COL23A1: variants seen among roughly 807,000 people sequenced by gnomAD.
COL23A1 encodes collagen alpha-1(XXIII) chain.
A neutral mutation model predicts 99.3 loss-of-function variants in COL23A1; 97 were observed. The observed-to-expected ratio is 0.98, with a 90% CI of 0.83 to 1.16. The LOEUF is 1.16. COL23A1 is among the 50% of genes most tolerant of loss of function. The pLI is 0.00. For missense variants in COL23A1, 762 were observed against 757.4 expected, an observed-to-expected ratio of 1.01 and a Z score of -0.07; for synonymous variants, 320 against 308.2, an observed-to-expected ratio of 1.04 and a Z score of -0.40.
chr5:178,567,808 A>G (rs1762908895), intron 1 of COL23A1, among the ~76,000 whole-genome samples: 1 of 151,866 alleles, frequency 6.6e-6, no homozygotes, highest in African/African-American at 2.4e-5. Context: ...TAAATTAAAT[A>G]TCCTTGAGTC....
intron 5 of COL23A1, among the ~76,000 whole-genome samples, chr5:178,284,830 A>G (rs2127580289): frequency 1.3e-5 from 2 of 152,360 alleles, no homozygotes; most frequent in East Asian, 1.9e-4. Context: ...CGTGCTGCCC[A>G]CTGCACTAAG....
At chr5:178,506,119 C>A (rs1345544428) in intron 2 of COL23A1, among the ~76,000 whole-genome samples, 4 of 151,876 alleles carry the variant, frequency 2.6e-5, no homozygotes, top group African/African-American at 9.7e-5. Flanking sequence ...GAGGGTTGAA[C>A]AAACAGAGAA....
At chr5:178,558,720 T>A (rs1007059495) in intron 2 of COL23A1, among the ~76,000 whole-genome samples, 3 of 151,926 alleles carry the variant, frequency 2.0e-5, no homozygotes. Flanking sequence ...GTTGGCATTT[T>A]ACACATTTTG....
chr5:178,255,371 C>T lies in COL23A1; in HGVS notation c.883-345G>A, dbSNP rs752282. On this transcript the variant is annotated intron_variant, in intron 15 of 28. Coordinates refer to ENST00000390654, the MANE Select transcript of COL23A1 (RefSeq NM_173465.4). This position sits in a 1 kb window ranked among gnomAD's most constrained non-coding sequence, Gnocchi z 4.2. ...AACAAACAGAAAAGCCCCAAACCCT[C>T]CAAAACACAAAGACATGAGCAGGCT... Among the ~76,000 whole-genome samples, 14,891 of 152,252 alleles carry T rather than the reference C, an allele frequency of 0.098. 767 individuals are homozygous for T. The highest frequency in any genetic ancestry group is 0.12 in the African/African-American group (4,923 of 41,540).
At chr5:178,298,102 G>A (rs1291397035) in intron 3 of COL23A1, among the ~76,000 whole-genome samples, 1 of 151,218 alleles carries the variant, frequency 6.6e-6, no homozygotes, top group African/African-American at 2.5e-5. Flanking sequence ...GCATAGGATG[G>A]TTCCACTGAC....
In COL23A1 at chr5:178,254,998, C is replaced by T. The variant is rs1765228153; in HGVS notation, c.911G>A (p.Gly304Glu). 6.2e-7 allele frequency: 1 copy of T among 1,613,686 alleles called. No homozygotes were observed. Among genetic ancestry groups the T allele is most frequent in the South Asian group, 1.1e-5 (1 of 91,064 alleles). The change falls in exon 16 of 29, where the codon GGA becomes GAA. Residue 304 changes from glycine (G) to glutamate (E), a missense_variant. Coordinates refer to ENST00000390654, the MANE Select transcript of COL23A1 (RefSeq NM_173465.4). ...RGAPGLKGEQ[G>E]DTVVIDYDGR... ...ATCATAGTCGATCACCACTGTGTCTCCCTGCTCGCCCTTGAGGCCTGGGGC... is the reference window on the plus strand; with the variant it reads ...ATCATAGTCGATCACCACTGTGTCTTCCTGCTCGCCCTTGAGGCCTGGGGC...
rs1048152328 is a variant in COL23A1, at chr5:178,387,341, A to G, written c.362-80422T>C. Among the ~76,000 whole-genome samples the G allele has an allele frequency of 6.6e-6, 1 of 152,148 alleles. No homozygotes were observed. The highest frequency in any genetic ancestry group is 2.4e-5 in the African/African-American group (1 of 41,424). On this transcript the variant is annotated intron_variant, in intron 2 of 28. Coordinates refer to ENST00000390654, the MANE Select transcript of COL23A1 (RefSeq NM_173465.4). This position sits in a 1 kb window ranked among gnomAD's most constrained non-coding sequence, Gnocchi z 4.7. ...GCCCTTCAAATGTCCAGCCCTGGTC[A>G]AACTGACCCGCTCACAAGTCTCTAA...
rs116135964 is a variant in COL23A1 at position 178,573,675 on chromosome 5, C to T, written c.295-12927G>A. Among the ~76,000 whole-genome samples the T allele has an allele frequency of 9.6e-3, 1,463 of 151,958 alleles. 32 individuals carry two copies. The highest frequency in any genetic ancestry group is 0.033 in the African/African-American group (1,386 of 41,398). ...CACAGCAGTTTTATTAATAATAACCCAATACTGGAAACAACTCAAATGCTC... is the reference window on the plus strand; with the variant it reads ...CACAGCAGTTTTATTAATAATAACCTAATACTGGAAACAACTCAAATGCTC... On this transcript the variant is annotated intron_variant, in intron 1 of 28. Transcript: ENST00000390654.
At chr5:178,267,236 C>G (rs566348364) in intron 8 of COL23A1, 71 bp downstream of exon 8, 2 of 1,524,518 alleles carry the variant, frequency 1.3e-6, no homozygotes, top group Admixed American at 1.7e-5. Context: ...CCAGAAGCAG[C>G]GCCAGTTATG....
rs10067672 is a variant in COL23A1 at position 178,544,517 on chromosome 5, T to C, written c.361+16165A>G. 0.023 allele frequency among the ~76,000 whole-genome samples: 3,523 copies of C among 152,164 alleles called. 131 individuals carry two copies. Among genetic ancestry groups the C allele is most frequent in the African/African-American group, 0.079 (3,263 of 41,506 alleles). On this transcript the variant is annotated intron_variant, in intron 2 of 28. Coordinates refer to ENST00000390654, the MANE Select transcript of COL23A1 (RefSeq NM_173465.4). This position sits in a 1 kb window ranked among gnomAD's most constrained non-coding sequence, Gnocchi z 4.4. ...CTGCCCCAGAAAACAGCAAGACCGG[T>C]GGCCACCCCCGCTGTGAGTACTCTG...
chr5:178,443,636 T>TC (rs397695762), intron 2 of COL23A1, among the ~76,000 whole-genome samples: 25 of 151,572 alleles, frequency 1.6e-4, no homozygotes, highest in African/African-American at 5.8e-4. Context: ...ATTTTTTTTT[T>TC]TCGTACAGAC....
intron 2 of COL23A1, among the ~76,000 whole-genome samples, chr5:178,521,883 A>G (rs993552098): frequency 2.0e-5 from 3 of 152,238 alleles, no homozygotes; most frequent in African/African-American, 7.2e-5. Context: ...TAATGGTTAC[A>G]CAGTTTCTGT....
chr5:178,386,636 G>A (rs919784100), intron 2 of COL23A1, among the ~76,000 whole-genome samples: 13 of 152,174 alleles, frequency 8.5e-5, no homozygotes, highest in South Asian at 2.1e-4. Flanking sequence ...GTTTTCCTCC[G>A]TGAACTCCCC....
At chr5:178,436,726 G>T (rs972619157) in intron 2 of COL23A1, among the ~76,000 whole-genome samples, 1 of 152,096 alleles carries the variant, frequency 6.6e-6, no homozygotes, top group Admixed American at 6.5e-5. Context: ...CTCATTACCC[G>T]TCCAGGCCAC....
chr5:178,487,107 G>A (rs1057212928), intron 2 of COL23A1, among the ~76,000 whole-genome samples: 3 of 140,834 alleles, frequency 2.1e-5, no homozygotes, highest in African/African-American at 9.1e-5. Flanking sequence ...CTCCAGGCTG[G>A]GGCCAGGTCC....
intron 25 of COL23A1, among the ~76,000 whole-genome samples, chr5:178,243,463 G>T (rs1378110319): frequency 2.0e-5 from 2 of 101,712 alleles, no homozygotes; most frequent in African/African-American, 6.3e-5. Context: ...CTCCAGCCTG[G>T]GTGGACAGAG....
At chr5:178,511,852 ATG>A (rs1759222222) in intron 2 of COL23A1, among the ~76,000 whole-genome samples, 1 of 152,238 alleles carries the variant, frequency 6.6e-6, no homozygotes, top group South Asian at 2.1e-4. Context: ...AGTGATTAAT[ATG>A]TGTTAGCATC....
Position 178,542,371 on chromosome 5 carries a change from C to G in COL23A1, c.361+18311G>C, listed in dbSNP as rs183441434. On this transcript the variant is annotated intron_variant, in intron 2 of 28. Coordinates refer to ENST00000390654, the MANE Select transcript of COL23A1 (RefSeq NM_173465.4). Reference sequence around the variant, plus strand: ...TTTTAATAAAAAGTTTGTAAAAATTCGGCAGACATCAGAGGTACTGATAAG... The same window carrying G: ...TTTTAATAAAAAGTTTGTAAAAATTGGGCAGACATCAGAGGTACTGATAAG... 1.7e-3 allele frequency among the ~76,000 whole-genome samples: 254 copies of G among 152,196 alleles called. 1 individual carries two copies. Among genetic ancestry groups the G allele is most frequent in the African/African-American group, 5.8e-3 (241 of 41,506 alleles).
At chr5:178,523,280 C>T (rs1252733855) in intron 2 of COL23A1, among the ~76,000 whole-genome samples, 1 of 118,404 alleles carries the variant, frequency 8.4e-6, no homozygotes, top group Non-Finnish European at 1.9e-5. Flanking sequence ...AGAGAGAGAG[C>T]GCTAGGTGTG....
Sources: allele counts gnomAD v4.1 joint callset (sites outside exome capture counted in the v4.1 genomes callset), GRCh38; gene constraint gnomAD v4.1.1; non-coding constraint Gnocchi (gnomAD v3.1); transcripts MANE v1.5; gene names NCBI Gene and HGNC (gene_info 2026-07-23, HGNC 2026-07-21).